MED27: variants seen among roughly 807,000 people sequenced by gnomAD.
MED27 encodes the protein mediator complex subunit 27.
MED27 carries 30 observed loss-of-function variants against 38.2 expected under a neutral mutation model. The observed-to-expected ratio is 0.79, with a 90% confidence interval of 0.59 to 1.07. MED27 has a LOEUF of 1.07. Ranked by LOEUF, MED27 falls within the 50% of genes least tolerant of loss-of-function variation. MED27 has a pLI of 0.00. For synonymous variants in MED27, 122 were observed against 153.5 expected, an observed-to-expected ratio of 0.79 and a Z score of 1.52; for missense variants, 289 against 397.5, an observed-to-expected ratio of 0.73 and a Z score of 2.32.
chr9:132,000,600 C>T (rs1018451984), intron 3 of MED27, among the ~76,000 whole-genome samples: 7 of 152,200 alleles, frequency 4.6e-5, no homozygotes, highest in African/African-American at 1.7e-4. Context: ...CCCAGTTGTC[C>T]ATCAACAGAT....
rs926823138 is a variant in MED27 at position 131,983,986 on chromosome 9, C to G, written c.479+30351G>C. On this transcript the variant is annotated intron_variant, in intron 3 of 7. Coordinates refer to ENST00000292035, the MANE Select transcript of MED27 (RefSeq NM_004269.4). ...TGATCAGAGCCACTTTCTGACCTCT[C>G]GTCTCAAGAGTAAGTCCAAGCCTTG... is the stretch of plus-strand genomic sequence containing the variant. 3.9e-5 allele frequency among the ~76,000 whole-genome samples: 6 copies of G among 152,270 alleles called. No individual in the cohort carries two copies. The East Asian group carries it at 1.2e-3, about 29-fold the overall frequency.
rs749607968 is a variant in MED27 at position 131,966,383 on chromosome 9, C to CAAAAAAAAAAAAAAAAA, written c.480-26926_480-26910dup. Among the ~76,000 whole-genome samples the CAAAAAAAAAAAAAAAAA allele has an allele frequency of 3.3e-3, 122 of 36,740 alleles. 15 individuals carry two copies. Among genetic ancestry groups the CAAAAAAAAAAAAAAAAA allele is most frequent in the Middle Eastern group, 0.019 (1 of 52 alleles). 24.1% of individuals were successfully genotyped at this position (36,740 alleles called of 152,430 possible). ...CAGGCAAAAGAGCCAGACCCTGTCA[C>CAAAAAAAAAAAAAAAAA]AAAAAAAAAAAAAAAAAGGAAAGGA... On this transcript the variant is annotated intron_variant, in intron 3 of 7. Coordinates refer to ENST00000292035, the MANE Select transcript of MED27 (RefSeq NM_004269.4).
chr9:131,987,096 A>G (rs992571083), intron 3 of MED27, among the ~76,000 whole-genome samples: 3 of 145,430 alleles, frequency 2.1e-5, no homozygotes, highest in African/African-American at 7.7e-5. Flanking sequence ...CTTTCCCCCA[A>G]ATTTTGCACT....
chr9:131,945,522 A>G (rs1344022025), intron 3 of MED27, among the ~76,000 whole-genome samples: 2 of 152,148 alleles, frequency 1.3e-5, no homozygotes, highest in Admixed American at 6.5e-5. Flanking sequence ...ATGTTATACA[A>G]TAGATCTCTT....
At chr9:132,004,259 G>A (rs957302965) in intron 3 of MED27, among the ~76,000 whole-genome samples, 5 of 152,264 alleles carry the variant, frequency 3.3e-5, no homozygotes, top group Admixed American at 6.5e-5. Context: ...GAAGCATAAC[G>A]ACAGAGAGCA....
intron 3 of MED27, among the ~76,000 whole-genome samples, chr9:131,960,417 C>T (rs532587652): frequency 6.6e-6 from 1 of 152,226 alleles, no homozygotes; most frequent in South Asian, 2.1e-4. Context: ...TGTGTGCGCT[C>T]GTGCACACAA....
rs1372306262 is a variant in MED27 at position 131,982,956 on chromosome 9, C to A, written c.479+31381G>T. 6.6e-6 allele frequency among the ~76,000 whole-genome samples: 1 copy of A among 152,178 alleles called. No homozygotes were observed. Among genetic ancestry groups the A allele is most frequent in the African/African-American group, 2.4e-5 (1 of 41,434 alleles). ...TTCCAACTGTAATGATATTCACCAC[C>A]TGAGGATTTTGTTAAAATGTAGATT... On this transcript the variant is annotated intron_variant, in intron 3 of 7. Coordinates refer to ENST00000292035, the MANE Select transcript of MED27 (RefSeq NM_004269.4). This position sits in a 1 kb window ranked among gnomAD's most constrained non-coding sequence, Gnocchi z 4.3.
At chr9:132,018,758 A>G (rs1479549246) in intron 2 of MED27, among the ~76,000 whole-genome samples, 1 of 152,198 alleles carries the variant, frequency 6.6e-6, no homozygotes, top group Non-Finnish European at 1.5e-5. Context: ...AGAACCTGAC[A>G]TTTGAAAACC....
chr9:131,910,498 A>T (rs572880208), intron 4 of MED27, among the ~76,000 whole-genome samples: 3 of 152,308 alleles, frequency 2.0e-5, no homozygotes, highest in Non-Finnish European at 2.9e-5. Flanking sequence ...AAATAACATA[A>T]ACCTGTTTCT....
At chr9:132,049,738 T>A (rs1833419891) in intron 2 of MED27, among the ~76,000 whole-genome samples, 1 of 152,162 alleles carries the variant, frequency 6.6e-6, no homozygotes, top group Non-Finnish European at 1.5e-5. Context: ...GCTGCACACT[T>A]AATCTCTGGC....
At position 131,889,865 on chromosome 9, in the gene MED27, G is replaced by A. The variant is rs1449994146; in HGVS notation, c.681+4020C>T. On this transcript the variant is annotated intron_variant, in intron 5 of 7. Transcript: ENST00000292035. The surrounding 1 kb of genome is among the most constrained non-coding windows in gnomAD (Gnocchi z 4.2). ...AGCCACACCCAGGGCCTCTGTGGCT[G>A]TGCTCCAGGAGACTGCAGCAAAACA... is the stretch of plus-strand genomic sequence containing the variant. 2.0e-5 allele frequency among the ~76,000 whole-genome samples: 3 copies of A among 152,162 alleles called. No homozygotes were observed. The highest frequency in any genetic ancestry group is 2.4e-5 in the African/African-American group (1 of 41,422).
chr9:131,998,950 A>T (rs139032279), intron 3 of MED27, among the ~76,000 whole-genome samples: 1 of 152,328 alleles, frequency 6.6e-6, no homozygotes, highest in East Asian at 1.9e-4. Flanking sequence ...TTACCTGTCA[A>T]ATAGGGAAAG....
rs528674337 is a variant in MED27, at chr9:131,877,113, T to C, written c.723+6945A>G. 2.0e-4 allele frequency among the ~76,000 whole-genome samples: 30 copies of C among 152,308 alleles called. No individual in the cohort carries two copies. The South Asian group carries it at 6.2e-3, about 32-fold the overall frequency. ...TCCCTCTGAGTGTGGGGGTCTCACC[T>C]GTGCAGGGCACCGAACAGGGAATGG... On this transcript the variant is annotated intron_variant, in intron 6 of 7. Transcript: ENST00000292035.
chr9:132,012,803 C>T lies in MED27; in HGVS notation c.479+1534G>A, dbSNP rs138958866. Among the ~76,000 whole-genome samples, 125 of 152,244 alleles carry T rather than the reference C, an allele frequency of 8.2e-4. 1 individual carries two copies. Among genetic ancestry groups the T allele is most frequent in the African/African-American group, 2.8e-3 (117 of 41,538 alleles). On this transcript the variant is annotated intron_variant, in intron 3 of 7. Transcript: ENST00000292035. The stretch of plus-strand genomic sequence containing the variant: ...TGCTTGTTTGGTCTCCTCCCACCCC[C>T]GAAATGAAAAGCTTAACAAAGATGG...
At chr9:132,064,169 T>C (rs1004457484) in intron 2 of MED27, among the ~76,000 whole-genome samples, 3 of 152,276 alleles carry the variant, frequency 2.0e-5, no homozygotes, top group Non-Finnish European at 4.4e-5. Context: ...AATGGCAAGG[T>C]AGATAAATCT....
intron 2 of MED27, among the ~76,000 whole-genome samples, chr9:132,039,189 A>T (rs1004320056): frequency 3.3e-5 from 5 of 152,190 alleles, no homozygotes; most frequent in Admixed American, 6.5e-5. Flanking sequence ...ACCACAAAGA[A>T]CACTATTAAG....
chr9:131,928,256 T>G (rs1830517610), intron 4 of MED27, among the ~76,000 whole-genome samples: 2 of 152,152 alleles, frequency 1.3e-5, no homozygotes, highest in Non-Finnish European at 2.9e-5. Flanking sequence ...GAGTCTGCAC[T>G]GGCTCTGTGG....
chr9:131,896,798 C>T (rs1470433010), intron 4 of MED27, among the ~76,000 whole-genome samples: 1 of 152,192 alleles, frequency 6.6e-6, no homozygotes, highest in African/African-American at 2.4e-5. Flanking sequence ...GTGGTGCCAT[C>T]TCGGCTCACT....
chr9:132,052,346 G>T (rs1251286104), intron 2 of MED27, among the ~76,000 whole-genome samples: 1 of 152,216 alleles, frequency 6.6e-6, no homozygotes, highest in Non-Finnish European at 1.5e-5. Context: ...AATCCACGCA[G>T]TAGTGATCTA....
Sources: gnomAD v4.1 joint callset for allele counts (sites outside exome capture counted in the v4.1 genomes callset) on GRCh38, gnomAD v4.1.1 for gene constraint, Gnocchi (gnomAD v3.1) non-coding constraint, MANE v1.5 for transcripts, NCBI Gene and HGNC (gene_info 2026-07-23, HGNC 2026-07-21) for gene names.